CCL26: variants seen among roughly 807,000 people sequenced by gnomAD.
CCL26 encodes the protein C-C motif chemokine ligand 26.
CCL26 carries 10 observed loss-of-function variants against 10.7 expected under a neutral mutation model. That is an observed-to-expected ratio of 0.93 (90% CI 0.57 to 1.58). The LOEUF (loss-of-function observed/expected upper bound fraction) is 1.58. Among genes scored for constraint, CCL26 ranks in the 40% most tolerant of loss-of-function variants. CCL26 has a pLI of 0.00. For synonymous variants in CCL26, 43 were observed against 41.4 expected (o/e 1.04, Z -0.15); for missense variants, 116 against 111.0 (o/e 1.05, Z -0.20).
chr7:75,782,416 C>A (rs1803085038), intron 1 of CCL26, among the ~76,000 whole-genome samples: 1 of 152,090 alleles, frequency 6.6e-6, no homozygotes. Flanking sequence ...TGCGGGGACA[C>A]CTGGTTTGGC....
At chr7:75,778,242 G>T (rs1446646534) in intron 1 of CCL26, among the ~76,000 whole-genome samples, 1 of 151,692 alleles carries the variant, frequency 6.6e-6, no homozygotes, top group Non-Finnish European at 1.5e-5. Context: ...TTCTAATTGA[G>T]ACATGGTCTC....
intron 2 of CCL26, among the ~76,000 whole-genome samples, chr7:75,771,456 C>A (rs1209366179): frequency 6.6e-6 from 1 of 152,178 alleles, no homozygotes; most frequent in African/African-American, 2.4e-5. Context: ...TCCAGTGACT[C>A]ACACTTGTAA....
In CCL26 at chr7:75,769,760, C is replaced by T. The variant is rs1294571446; in HGVS notation, c.218G>A (p.Cys73Tyr). Residue 73 changes from cysteine to tyrosine, a missense_variant, in exon 3 of 3, where the codon TGT becomes TAT. Cys to Tyr is a radical substitution (Grantham distance 194). Transcript: ENST00000005180. Reference sequence around the variant, plus strand: ...CACCCATTTTTTCCTTGGATGGGTACAGACTTTCTTGCCTCTTTTGGTAGT... The same window carrying T: ...CACCCATTTTTTCCTTGGATGGGTATAGACTTTCTTGCCTCTTTTGGTAGT... Reference protein sequence around the residue: ...IFTTKRGKKVCTHPRKKWVQK... With the variant: ...IFTTKRGKKVYTHPRKKWVQK... The T allele has an allele frequency of 7.9e-5, 127 of 1,611,040 alleles. No homozygotes were observed. Among genetic ancestry groups the T allele is most frequent in the Non-Finnish European group, 1.1e-4 (126 of 1,177,314 alleles).
chr7:75,780,537 A>G (rs1803038882), intron 1 of CCL26, among the ~76,000 whole-genome samples: 1 of 152,184 alleles, frequency 6.6e-6, no homozygotes, highest in African/African-American at 2.4e-5. Context: ...AGCCAGAAAA[A>G]TGGCACTTTC....
upstream of CCL26, among the ~76,000 whole-genome samples, chr7:75,791,561 G>C (rs1355112561): frequency 6.6e-6 from 1 of 151,976 alleles, no homozygotes; most frequent in Non-Finnish European, 1.5e-5. Context: ...CTGCCATCTG[G>C]GCTTCCCACT....
intron 1 of CCL26, among the ~76,000 whole-genome samples, chr7:75,778,767 T>A (rs1375278052): frequency 2.0e-5 from 3 of 151,334 alleles, no homozygotes; most frequent in African/African-American, 7.3e-5. Flanking sequence ...ACCATGCCCA[T>A]AAAACTAATC....
upstream of CCL26, chr7:75,789,997 T>TCTAC (rs1803287604): frequency 8.9e-6 from 1 of 112,302 alleles, no homozygotes; most frequent in Non-Finnish European, 1.8e-5. Context: ...GTCTTACGGT[T>TCTAC]CTCCCTCCCT....
At position 75,784,542 on chromosome 7, in the gene CCL26, T is replaced by A. The variant is rs1411076589; in HGVS notation, c.-79+5175A>T. Among the ~76,000 whole-genome samples the A allele has an allele frequency of 2.0e-5, 3 of 152,110 alleles. No individual in the cohort carries two copies. In the South Asian group the frequency reaches 6.2e-4, roughly 32 times the overall value. On this transcript the variant is annotated intron_variant, in intron 1 of 3. Coordinates refer to the CCL26 transcript ENST00000394905. ...CATTACCTTCTTTTCAAAGGCCTTT[T>A]TCCTTTGCCTCCATAACTGTTGTGG...
At chr7:75,779,331 G>A (rs375970063) in intron 1 of CCL26, among the ~76,000 whole-genome samples, 66 of 152,210 alleles carry the variant, frequency 4.3e-4, no homozygotes, top group African/African-American at 1.6e-3. Flanking sequence ...GACTCGGATC[G>A]GGGGACCTCC....
rs532708842 is a variant in CCL26, at chr7:75,779,517, C to T, written c.-78-7263G>A. ...CTCACTATCCCTCAACCTCTTTCTCCTTTCAATCTTGGCACCACCCTTCAA... is the reference window on the plus strand; with the variant it reads ...CTCACTATCCCTCAACCTCTTTCTCTTTTCAATCTTGGCACCACCCTTCAA... On this transcript the variant is annotated intron_variant, in intron 1 of 3. Transcript: ENST00000394905. Among the ~76,000 whole-genome samples, 4 of 152,308 alleles carry T rather than the reference C, an allele frequency of 2.6e-5. No homozygotes were observed. The South Asian group carries it at 6.2e-4, about 24-fold the overall frequency.
upstream of CCL26, among the ~76,000 whole-genome samples, chr7:75,775,840 T>C (rs28513323): frequency 7.4e-6 from 1 of 135,460 alleles, no homozygotes; most frequent in Non-Finnish European, 1.6e-5. Flanking sequence ...TTCCTTTTTT[T>C]AGTTTTTTTT....
chr7:75,783,713 G>A (rs1210634457), intron 1 of CCL26, among the ~76,000 whole-genome samples: 29 of 150,746 alleles, frequency 1.9e-4, no homozygotes, highest in African/African-American at 6.4e-4. Flanking sequence ...CGTGAACCCG[G>A]TAGGTGGAGC....
rs1046189115 is a variant in CCL26, at chr7:75,772,210, C to T, written c.-34G>A. The T allele has an allele frequency of 6.1e-6, 9 of 1,467,890 alleles. No homozygotes were observed. The highest frequency in any genetic ancestry group is 1.4e-5 in the African/African-American group (1 of 71,516). The allele number at this position is 1,467,890 out of a possible 1,614,324, so 90.9% of individuals were successfully genotyped here. A position where few individuals can be genotyped will look rare whatever the true frequency, so the allele number is the denominator to read the frequency against. On this transcript the variant is annotated 5_prime_UTR_variant, in exon 1 of 3. Coordinates refer to ENST00000005180, the MANE Select transcript of CCL26 (RefSeq NM_001371938.1). ...AAATCAGGCCCTTCTCAGGTTTCTCCCAAACTCCTCCTGCCTGATCCCCTT... is the reference window on the plus strand; with the variant it reads ...AAATCAGGCCCTTCTCAGGTTTCTCTCAAACTCCTCCTGCCTGATCCCCTT...
At chr7:75,788,825 G>A (rs1803259837) in intron 1 of CCL26, among the ~76,000 whole-genome samples, 1 of 151,950 alleles carries the variant, frequency 6.6e-6, no homozygotes, top group African/African-American at 2.4e-5. Flanking sequence ...TCTGGGGGCT[G>A]GTATGCTCTG....
upstream of CCL26, among the ~76,000 whole-genome samples, chr7:75,773,703 C>T (rs1177051799): frequency 6.6e-6 from 1 of 151,928 alleles, no homozygotes. Context: ...TGGTGAAACC[C>T]CGTCTCTACT....
chr7:75,776,456 G>A (rs551056813), upstream of CCL26, among the ~76,000 whole-genome samples: 16 of 151,060 alleles, frequency 1.1e-4, no homozygotes, highest in African/African-American at 3.4e-4. Flanking sequence ...CAGGAGGATC[G>A]CTTGAGGCCA....
chr7:75,790,117 T>TTTTC (rs373330792), upstream of CCL26, among the ~76,000 whole-genome samples: 1,121 of 148,892 alleles, frequency 7.5e-3, 16 homozygotes, highest in African/African-American at 0.027. Flanking sequence ...TTCTCTTTCT[T>TTTTC]TTTCTTTCTT....
chr7:75,771,808 G>T, intron 2 of CCL26, 81 bp downstream of exon 2: 1 of 870,306 alleles, frequency 1.1e-6, no homozygotes, highest in Non-Finnish European at 2.0e-6. Context: ...CCATCCCAAG[G>T]CTCATCCTGG....
intron 2 of CCL26, among the ~76,000 whole-genome samples, chr7:75,770,672 C>T (rs1585008117): frequency 6.6e-6 from 1 of 151,418 alleles, no homozygotes; most frequent in East Asian, 2.0e-4. Context: ...TGAGCCACCA[C>T]GCCCGGCCTA....
Sources: gnomAD v4.1 joint callset for allele counts (sites outside exome capture counted in the v4.1 genomes callset) on GRCh38, gnomAD v4.1.1 for gene constraint, MANE v1.5 for transcripts, NCBI Gene and HGNC (gene_info 2026-07-23, HGNC 2026-07-21) for gene names.